The following KCNH7 variants were observed in gnomAD, a reference collection of about 807,000 sequenced individuals.
KCNH7 encodes potassium voltage-gated channel subfamily H member 7.
In KCNH7, 49 loss-of-function variants were observed where a neutral mutation model predicts 120.8. The observed-to-expected ratio is 0.41, with a 90% confidence interval of 0.32 to 0.51. KCNH7 has a LOEUF of 0.51. Ranked by LOEUF, KCNH7 falls within the 20% of genes least tolerant of loss-of-function variation. The pLI is 0.38. For synonymous variants in KCNH7, 547 were observed against 516.1 expected (o/e 1.06, Z -0.81); for missense variants, 1,097 against 1,446.6 (o/e 0.76, Z 3.92).
chr2:162,383,114 A>G (rs191985132), intron 13 of KCNH7, among the ~76,000 whole-genome samples: 1 of 152,080 alleles, frequency 6.6e-6, no homozygotes, highest in East Asian at 1.9e-4. Flanking sequence ...GAGTCATTAT[A>G]AAGTCAGAAA....
Position 162,530,209 on chromosome 2 carries a change from T to G in KCNH7, c.463+6716A>C, listed in dbSNP as rs1210423184. On this transcript the variant is annotated intron_variant, in intron 3 of 15. Coordinates refer to ENST00000332142, the MANE Select transcript of KCNH7 (RefSeq NM_033272.4). ...ATGTATGGAGCCCAATGTATCATAA[T>G]GCCTTTTTATAATCCATATTTTCTA... 3.3e-5 allele frequency among the ~76,000 whole-genome samples: 5 copies of G among 152,108 alleles called. No individual in the cohort carries two copies. In the East Asian group the frequency reaches 7.8e-4, roughly 24 times the overall value.
intron 2 of KCNH7, among the ~76,000 whole-genome samples, chr2:162,827,415 A>G (rs986226739): frequency 1.3e-5 from 2 of 152,122 alleles, no homozygotes; most frequent in African/African-American, 2.4e-5. Flanking sequence ...CAGTCATACA[A>G]TATATAGTCC....
intron 2 of KCNH7, among the ~76,000 whole-genome samples, chr2:162,804,142 T>C: frequency 6.6e-6 from 1 of 151,680 alleles, no homozygotes; most frequent in African/African-American, 2.4e-5. Flanking sequence ...TACAGATGTA[T>C]AAAATCATTC....
At chr2:162,489,636 T>C (rs1384658255) in intron 6 of KCNH7, among the ~76,000 whole-genome samples, 3 of 152,208 alleles carry the variant, frequency 2.0e-5, no homozygotes, top group African/African-American at 7.2e-5. Flanking sequence ...CCAGAGTACA[T>C]AACATTTGAC....
intron 2 of KCNH7, among the ~76,000 whole-genome samples, chr2:162,744,894 T>G (rs1688264186): frequency 6.6e-6 from 1 of 152,142 alleles, no homozygotes; most frequent in African/African-American, 2.4e-5. Flanking sequence ...TAATTACAAC[T>G]CTAACCTGTG....
At chr2:162,687,831 T>C (rs1685951244) in intron 2 of KCNH7, among the ~76,000 whole-genome samples, 1 of 152,168 alleles carries the variant, frequency 6.6e-6, no homozygotes, top group South Asian at 2.1e-4. Flanking sequence ...ATTCAAAAGA[T>C]GGGTTTCTAA....
chr2:162,736,561 A>T lies in KCNH7; in HGVS notation c.307+99976T>A, dbSNP rs901152006. 7.2e-5 allele frequency among the ~76,000 whole-genome samples: 11 copies of T among 152,338 alleles called. No individual in the cohort carries two copies. The South Asian group carries it at 1.9e-3, about 26-fold the overall frequency. ...GCTGATTGGAAATTACCCCAAAGGT[A>T]AATGATTCATTGTGGCTAAGGGACA... On this transcript the variant is annotated intron_variant, in intron 2 of 15. Coordinates refer to ENST00000332142, the MANE Select transcript of KCNH7 (RefSeq NM_033272.4).
At chr2:162,750,919 A>G (rs1330328349) in intron 2 of KCNH7, among the ~76,000 whole-genome samples, 2 of 152,158 alleles carry the variant, frequency 1.3e-5, no homozygotes, top group Non-Finnish European at 2.9e-5. Context: ...TAATAAATAC[A>G]TATTTTCAAT....
intron 6 of KCNH7, among the ~76,000 whole-genome samples, chr2:162,447,300 T>C (rs1457140864): frequency 2.6e-5 from 4 of 152,102 alleles, no homozygotes; most frequent in Non-Finnish European, 5.9e-5. Context: ...TACAGTTTTG[T>C]CTCTACCAAG....
chr2:162,446,483 C>A, intron 6 of KCNH7, 40 bp from the exon 7 acceptor site: 1 of 1,447,362 alleles, frequency 6.9e-7, no homozygotes, highest in Non-Finnish European at 9.4e-7. Context: ...CATAAATATG[C>A]CATTTTTAAT....
At chr2:162,510,649 T>G (rs751815877) in intron 5 of KCNH7, among the ~76,000 whole-genome samples, 1 of 151,744 alleles carries the variant, frequency 6.6e-6, no homozygotes, top group Non-Finnish European at 1.5e-5. Flanking sequence ...GTTTTTTGGT[T>G]GAATATTGAA....
chr2:162,754,854 T>C (rs1358948004), intron 2 of KCNH7, among the ~76,000 whole-genome samples: 2 of 152,188 alleles, frequency 1.3e-5, no homozygotes, highest in Non-Finnish European at 1.5e-5. Flanking sequence ...AAAGCAGCTC[T>C]TGTGGAGTGC....
At chr2:162,582,351 T>C (rs966978968) in intron 2 of KCNH7, among the ~76,000 whole-genome samples, 8 of 152,050 alleles carry the variant, frequency 5.3e-5, no homozygotes, top group Non-Finnish European at 4.4e-5. Context: ...TACTCTTTTA[T>C]ATGGAGTGAT....
chr2:162,477,507 T>C (rs1298822118), intron 6 of KCNH7, among the ~76,000 whole-genome samples: 1 of 152,198 alleles, frequency 6.6e-6, no homozygotes, highest in African/African-American at 2.4e-5. Flanking sequence ...AGGGACTTTA[T>C]ATGAGGGAAG....
chr2:162,409,078 A>G (rs1395108584), intron 9 of KCNH7, among the ~76,000 whole-genome samples: 1 of 151,850 alleles, frequency 6.6e-6, no homozygotes, highest in Non-Finnish European at 1.5e-5. Context: ...GAAAAAGGTA[A>G]TTAATGGAGG....
At chr2:162,761,112 T>C (rs185122051) in intron 2 of KCNH7, among the ~76,000 whole-genome samples, 29 of 152,248 alleles carry the variant, frequency 1.9e-4, no homozygotes, top group African/African-American at 6.5e-4. Flanking sequence ...TCTGGTCATA[T>C]GACACATATT....
At chr2:162,709,999 C>T (rs1686864821) in intron 2 of KCNH7, among the ~76,000 whole-genome samples, 1 of 152,044 alleles carries the variant, frequency 6.6e-6, no homozygotes, top group Non-Finnish European at 1.5e-5. Context: ...CCCTTCTGCA[C>T]ATGAATGAGC....
intron 2 of KCNH7, among the ~76,000 whole-genome samples, chr2:162,612,035 G>A (rs1682987344): frequency 6.6e-6 from 1 of 152,164 alleles, no homozygotes. Flanking sequence ...TCTATTTTCA[G>A]CATTATGGTA....
chr2:162,412,384 T>G (rs1358438435), intron 9 of KCNH7, among the ~76,000 whole-genome samples: 1 of 152,142 alleles, frequency 6.6e-6, no homozygotes, highest in Non-Finnish European at 1.5e-5. Flanking sequence ...ACACAGACTT[T>G]AAGCAATTCT....
Sources: gnomAD v4.1 joint callset for allele counts (sites outside exome capture counted in the v4.1 genomes callset) on GRCh38, gnomAD v4.1.1 for gene constraint, MANE v1.5 for transcripts, NCBI Gene and HGNC (gene_info 2026-07-23, HGNC 2026-07-21) for gene names.